Variants in CHODL observed in about 807,000 individuals in gnomAD.
CHODL encodes chondrolectin.
CHODL carries 29 observed loss-of-function variants against 34.5 expected under a neutral mutation model. That is an observed-to-expected ratio of 0.84 (90% confidence interval 0.63 to 1.15). The LOEUF is 1.15. Ranked by LOEUF, CHODL falls within the 50% of genes most tolerant of loss-of-function variation. The pLI, the probability that CHODL is intolerant of heterozygous loss-of-function variation, is 0.00. For synonymous variants in CHODL, 125 were observed against 116.1 expected, an observed-to-expected ratio of 1.08 and a Z score of -0.49; for missense variants, 332 against 332.5, an observed-to-expected ratio of 1.00 and a Z score of 0.01.
chr21:18,079,339 G>T (rs544342727), intron 2 of CHODL, among the ~76,000 whole-genome samples: 1 of 149,074 alleles, frequency 6.7e-6, no homozygotes, highest in African/African-American at 2.5e-5. Flanking sequence ...TGATTTTACG[G>T]TATATATATA....
chr21:18,096,817 A>T (rs550923677), intron 2 of CHODL, among the ~76,000 whole-genome samples: 7 of 152,020 alleles, frequency 4.6e-5, no homozygotes, highest in African/African-American at 9.6e-5. Flanking sequence ...CCCACTCTCT[A>T]TTCGTTCACT....
chr21:18,218,133 C>T lies in CHODL; in HGVS notation c.-44-38376C>T, dbSNP rs1038515211. Among the ~76,000 whole-genome samples, 12 of 152,234 alleles carry T rather than the reference C, an allele frequency of 7.9e-5. No homozygotes were observed. The East Asian group carries it at 2.3e-3, about 29-fold the overall frequency. ...GATGGTGGCCCTCTTCTCACAGCTC[C>T]ACCAGGCAGCGCCCCAGTGGGGACT... On this transcript the variant is annotated intron_variant, in intron 2 of 6. Transcript: ENST00000400127.
intron 2 of CHODL, among the ~76,000 whole-genome samples, chr21:18,183,233 G>A (rs1170296290): frequency 6.6e-6 from 1 of 152,184 alleles, no homozygotes; most frequent in Admixed American, 6.5e-5. Flanking sequence ...ATATGCCTAT[G>A]TTTATATGAT....
chr21:18,190,185 G>A (rs1394374478), intron 2 of CHODL, among the ~76,000 whole-genome samples: 2 of 151,982 alleles, frequency 1.3e-5, no homozygotes, highest in South Asian at 2.1e-4. Flanking sequence ...GTAGTCCAAG[G>A]CAATGATTTT....
chr21:17,980,806 G>A (rs1279027203), intron 1 of CHODL, among the ~76,000 whole-genome samples: 1 of 152,198 alleles, frequency 6.6e-6, no homozygotes, highest in Non-Finnish European at 1.5e-5. Context: ...GATCATGTGT[G>A]CACATGCCTG....
At chr21:18,133,747 T>C (rs1297719901) in intron 2 of CHODL, among the ~76,000 whole-genome samples, 2 of 152,164 alleles carry the variant, frequency 1.3e-5, no homozygotes, top group African/African-American at 4.8e-5. Flanking sequence ...ATAACATATA[T>C]GTGTAAGCAT....
At chr21:18,097,850 G>A (rs1040676294) in intron 2 of CHODL, among the ~76,000 whole-genome samples, 4 of 151,988 alleles carry the variant, frequency 2.6e-5, no homozygotes, top group African/African-American at 4.8e-5. Context: ...AAACAGCATG[G>A]TACTGACATA....
intron 2 of CHODL, among the ~76,000 whole-genome samples, chr21:18,234,197 C>G (rs2074008127): frequency 6.6e-6 from 1 of 152,078 alleles, no homozygotes; most frequent in Non-Finnish European, 1.5e-5. Flanking sequence ...ACTCTGTGAC[C>G]GCCATCAGAG....
At chr21:18,010,534 C>T (rs1334111791) in intron 1 of CHODL, among the ~76,000 whole-genome samples, 3 of 152,084 alleles carry the variant, frequency 2.0e-5, no homozygotes, top group Non-Finnish European at 4.4e-5. Context: ...CACAAAATCC[C>T]AGCCTTCTAC....
chr21:18,050,268 A>G (rs1036557084), intron 2 of CHODL, among the ~76,000 whole-genome samples: 3 of 83,370 alleles, frequency 3.6e-5, no homozygotes, highest in Admixed American at 3.1e-4. Flanking sequence ...AAGTCAAATG[A>G]GATCCTTGAA....
Position 18,266,038 on chromosome 21 carries a change from A to G in CHODL, c.822A>G (p.Ter274=), listed in dbSNP as rs1376301804. The G allele has an allele frequency of 1.9e-6, 3 of 1,613,648 alleles. No individual in the cohort carries two copies. The highest frequency in any genetic ancestry group is 2.5e-6 in the Non-Finnish European group (3 of 1,179,750). The change falls in exon 6 of 6, where the codon TAA becomes TAG. Residue 274 remains the stop codon, a stop_retained_variant. Transcript: ENST00000299295. ...STRKESGMEV[*] is the part of the protein sequence containing the mutation. ...GAAAAGAAAGTGGCATGGAAGTATA[A>G]TAACTCATTGACTTGGTTCCAGAAT...
chr21:18,214,108 C>T (rs1286619026), intron 2 of CHODL, among the ~76,000 whole-genome samples: 1 of 152,048 alleles, frequency 6.6e-6, no homozygotes, highest in African/African-American at 2.4e-5. Flanking sequence ...CCAACTTTGT[C>T]ATCCACCTAT....
At chr21:18,093,328 G>T (rs550244297) in intron 2 of CHODL, among the ~76,000 whole-genome samples, 1 of 152,114 alleles carries the variant, frequency 6.6e-6, no homozygotes, top group African/African-American at 2.4e-5. Flanking sequence ...TGTCCTACAA[G>T]AAATCTAAAG....
chr21:18,096,212 TTAAGC>T (rs1273343616), intron 2 of CHODL, among the ~76,000 whole-genome samples: 2 of 152,202 alleles, frequency 1.3e-5, no homozygotes, highest in African/African-American at 4.8e-5. Flanking sequence ...TCCTGTCATC[TTAAGC>T]TAAGGATGTA....
At chr21:17,993,382 C>T (rs1238735765) in intron 1 of CHODL, among the ~76,000 whole-genome samples, 1 of 152,154 alleles carries the variant, frequency 6.6e-6, no homozygotes, top group African/African-American at 2.4e-5. Flanking sequence ...CCATCACCCT[C>T]TGATAGGCCC....
intron 2 of CHODL, among the ~76,000 whole-genome samples, chr21:18,186,020 A>G (rs8131689): frequency 0.079 from 12,084 of 152,218 alleles, 622 homozygotes; most frequent in South Asian, 0.25. Flanking sequence ...CATTCAGACC[A>G]TAGCAATTGC....
Position 17,956,169 on chromosome 21 carries a change from G to A in CHODL, c.-145+38769G>A, listed in dbSNP as rs912117777. On this transcript the variant is annotated intron_variant, in intron 1 of 6. Transcript: ENST00000400127. ...GCCCAGTGGGAGGTGTTGGAATCACGGGGGTGGGTCCTTCATGAATGATTT... is the reference window on the plus strand; with the variant it reads ...GCCCAGTGGGAGGTGTTGGAATCACAGGGGTGGGTCCTTCATGAATGATTT... 1.2e-4 allele frequency among the ~76,000 whole-genome samples: 17 copies of A among 136,058 alleles called. 1 individual carries two copies. The highest frequency in any genetic ancestry group is 3.5e-4 in the African/African-American group (14 of 39,772). The allele number at this position is 136,058 out of a possible 152,430, so 89.3% of individuals were successfully genotyped here.
intron 1 of CHODL, among the ~76,000 whole-genome samples, chr21:17,929,519 A>G (rs1413730000): frequency 6.6e-6 from 1 of 152,242 alleles, no homozygotes; most frequent in Non-Finnish European, 1.5e-5. Context: ...GATGGGAATT[A>G]TGGAAAGCAA....
In CHODL at chr21:18,245,258, C is replaced by T. The variant is rs1229175985; in HGVS notation, c.35C>T (p.Ala12Val). ...SRVVSLLLGA[A>V]LLCGHGAFCR... ...GTGGTCTCGCTGCTGCTGGGCGCCG[C>T]GCTGCTCTGCGGCCACGGAGCCTTC... The change falls in exon 1 of 6, where the codon GCG (alanine) becomes GTG (valine). Residue 12 changes from alanine (A) to valine (V), a missense_variant. Ala to Val is a moderately conservative substitution (Grantham distance 64). Coordinates refer to ENST00000299295, the MANE Select transcript of CHODL (RefSeq NM_024944.3). 2 of 1,524,734 alleles carry T rather than the reference C, an allele frequency of 1.3e-6. No homozygotes were observed. The highest frequency in any genetic ancestry group is 1.2e-5 in the South Asian group (1 of 83,242). 94.5% of individuals were successfully genotyped at this position (1,524,734 alleles called of 1,614,324 possible). A position where few individuals can be genotyped will look rare whatever the true frequency, so the allele number is the denominator to read the frequency against.
Sources: allele counts gnomAD v4.1 joint callset (sites outside exome capture counted in the v4.1 genomes callset), GRCh38; gene constraint gnomAD v4.1.1; transcripts MANE v1.5; gene names NCBI Gene and HGNC (gene_info 2026-07-23, HGNC 2026-07-21).